CSMD1: variants seen among roughly 807,000 people sequenced by gnomAD.
CSMD1 encodes CUB and sushi domain-containing protein 1.
CSMD1 carries 213 observed loss-of-function variants against 417.5 expected under a neutral mutation model. That is an observed-to-expected ratio of 0.51 (90% confidence interval 0.46 to 0.57). The LOEUF (loss-of-function observed/expected upper bound fraction) is 0.57. Ranked by LOEUF, CSMD1 falls within the 20% of genes least tolerant of loss-of-function variation. CSMD1 has a pLI of 0.00. For missense variants in CSMD1, 6,923 were observed against 4,529.7 expected, an observed-to-expected ratio of 1.53 and a Z score of -15.17; for synonymous variants, 2,862 against 1,736.8, an observed-to-expected ratio of 1.65 and a Z score of -16.11.
At chr8:4,844,968 A>T (rs892339024) in intron 1 of CSMD1, among the ~76,000 whole-genome samples, 39 of 152,222 alleles carry the variant, frequency 2.6e-4, no homozygotes, top group Non-Finnish European at 5.9e-5. Context: ...CATGAAGCTT[A>T]ATAATCAGAC....
chr8:4,109,779 G>A (rs376337085), intron 3 of CSMD1, among the ~76,000 whole-genome samples: 1 of 151,992 alleles, frequency 6.6e-6, no homozygotes, highest in Non-Finnish European at 1.5e-5. Flanking sequence ...TGATTTCTGT[G>A]GTCATTGACT....
chr8:3,359,326 G>T lies in CSMD1; in HGVS notation c.3130C>A (p.Pro1044Thr), dbSNP rs768744225. ...GCAGGGACTCCAGGATCATCACATG[G>T]CTCCAGGTCATATTCTGAGGCATGC... is the stretch of plus-strand genomic sequence containing the variant. ...NITFSEYDLE[P>T]CDDPGVPAFS... The change falls in exon 21 of 70, where the codon CCA becomes ACA. Residue 1044 changes from proline to threonine, a missense_variant. By Grantham distance (38) the Pro-to-Thr change is conservative (BLOSUM62 -1). Coordinates refer to ENST00000635120, the MANE Select transcript of CSMD1 (RefSeq NM_033225.6). 74 of 1,613,276 alleles carry T rather than the reference G, an allele frequency of 4.6e-5. No individual in the cohort carries two copies. In the South Asian group the frequency reaches 7.9e-4, roughly 17 times the overall value.
At chr8:3,234,443 G>T (rs111767018) in intron 26 of CSMD1, among the ~76,000 whole-genome samples, 242 of 152,170 alleles carry the variant, frequency 1.6e-3, no homozygotes, top group African/African-American at 5.2e-3. Context: ...ATCATTACTC[G>T]TGTTTTGAAC....
intron 2 of CSMD1, among the ~76,000 whole-genome samples, chr8:4,585,150 A>C (rs1799636379): frequency 6.6e-6 from 1 of 152,016 alleles, no homozygotes; most frequent in Admixed American, 6.5e-5. Flanking sequence ...GTAGATATTA[A>C]AGTTAGCAGA....
chr8:3,405,614 A>C (rs1161521), intron 15 of CSMD1, among the ~76,000 whole-genome samples: 3 of 146,688 alleles, frequency 2.0e-5, no homozygotes, highest in African/African-American at 5.2e-5. Flanking sequence ...TGCTGGAAGA[A>C]GGGGACCCCC....
At chr8:4,766,609 T>G (rs1812482919) in intron 1 of CSMD1, among the ~76,000 whole-genome samples, 2 of 152,224 alleles carry the variant, frequency 1.3e-5, no homozygotes, top group African/African-American at 4.8e-5. Flanking sequence ...GCGTGTTTAC[T>G]GAATGAAAAA....
At chr8:3,494,842 T>C (rs1010774599) in intron 10 of CSMD1, among the ~76,000 whole-genome samples, 2 of 152,094 alleles carry the variant, frequency 1.3e-5, no homozygotes, top group Non-Finnish European at 2.9e-5. Flanking sequence ...AATTCTGAAA[T>C]AGCGTAGAAA....
intron 5 of CSMD1, among the ~76,000 whole-genome samples, chr8:3,790,103 G>C (rs1285800122): frequency 6.6e-6 from 1 of 152,184 alleles, no homozygotes; most frequent in Admixed American, 6.5e-5. Context: ...TTAAATGAAA[G>C]TGTTAGCTGC....
chr8:3,363,998 C>A (rs933135354), intron 20 of CSMD1, among the ~76,000 whole-genome samples: 3 of 152,168 alleles, frequency 2.0e-5, no homozygotes, highest in Admixed American at 1.3e-4. Context: ...TCAGGAAACA[C>A]TGCTTTAATA....
intron 51 of CSMD1, among the ~76,000 whole-genome samples, chr8:3,023,818 A>C (rs1809635544): frequency 6.6e-6 from 1 of 151,592 alleles, no homozygotes; most frequent in South Asian, 2.1e-4. Context: ...GGGAGATCTT[A>C]CAAGCAGGGC....
chr8:4,178,652 C>T (rs1037702804), intron 3 of CSMD1, among the ~76,000 whole-genome samples: 2 of 152,092 alleles, frequency 1.3e-5, no homozygotes, highest in African/African-American at 2.4e-5. Flanking sequence ...TCCCTTTTTG[C>T]AGATAATATG....
At chr8:3,754,514 G>C (rs1309740285) in intron 5 of CSMD1, among the ~76,000 whole-genome samples, 2 of 151,954 alleles carry the variant, frequency 1.3e-5, no homozygotes, top group Non-Finnish European at 2.9e-5. Context: ...GAGGGCAGTG[G>C]TGCGATCTCG....
intron 5 of CSMD1, among the ~76,000 whole-genome samples, chr8:3,836,081 A>G (rs979003481): frequency 1.3e-5 from 2 of 152,112 alleles, no homozygotes; most frequent in Admixed American, 6.6e-5. Flanking sequence ...TTTCTTAATT[A>G]TCTTTTTAAA....
At chr8:3,917,249 G>A (rs139159247) in intron 5 of CSMD1, among the ~76,000 whole-genome samples, 1 of 152,148 alleles carries the variant, frequency 6.6e-6, no homozygotes, top group Non-Finnish European at 1.5e-5. Context: ...AACCCTATGA[G>A]ATGCTGTTGA....
Position 3,542,301 on chromosome 8 carries a change from T to C in CSMD1, c.1344+32644A>G, listed in dbSNP as rs144132820. Among the ~76,000 whole-genome samples, 130 of 152,078 alleles carry C rather than the reference T, an allele frequency of 8.5e-4. 1 individual carries two copies. In the East Asian group the frequency reaches 0.024, roughly 28 times the overall value. On this transcript the variant is annotated intron_variant, in intron 10 of 69. Coordinates refer to ENST00000635120, the MANE Select transcript of CSMD1 (RefSeq NM_033225.6). Reference sequence around the variant, plus strand: ...AAGATGGTTCATTCATTCAGATGGTTCATTCAGAATCTTCAATCATTCAGA... The same window carrying C: ...AAGATGGTTCATTCATTCAGATGGTCCATTCAGAATCTTCAATCATTCAGA...
chr8:3,801,780 T>C (rs932429967), intron 5 of CSMD1, among the ~76,000 whole-genome samples: 1 of 152,148 alleles, frequency 6.6e-6, no homozygotes, highest in African/African-American at 2.4e-5. Context: ...TTCAGTAGCA[T>C]TTTACGGGTC....
intron 5 of CSMD1, among the ~76,000 whole-genome samples, chr8:3,967,822 T>C (rs894366022): frequency 6.6e-6 from 1 of 151,918 alleles, no homozygotes; most frequent in South Asian, 2.1e-4. Flanking sequence ...TATACGCTTA[T>C]AGATAAGGAA....
intron 12 of CSMD1, among the ~76,000 whole-genome samples, chr8:3,440,916 C>T (rs1436579998): frequency 3.3e-5 from 5 of 152,314 alleles, no homozygotes; most frequent in African/African-American, 9.6e-5. Flanking sequence ...ATGTCCACTC[C>T]CTTGTCCCCA....
intron 3 of CSMD1, among the ~76,000 whole-genome samples, chr8:4,262,090 T>C (rs977053127): frequency 6.6e-6 from 1 of 152,198 alleles, no homozygotes; most frequent in African/African-American, 2.4e-5. Context: ...CTAAAGTTAG[T>C]CACTATTACT....
Sources: gnomAD v4.1 joint callset for allele counts (sites outside exome capture counted in the v4.1 genomes callset) on GRCh38, gnomAD v4.1.1 for gene constraint, MANE v1.5 for transcripts, NCBI Gene and HGNC (gene_info 2026-07-23, HGNC 2026-07-21) for gene names.